The following PEPD variants were observed in gnomAD, a reference collection of about 807,000 sequenced individuals.
PEPD encodes xaa-Pro dipeptidase.
In PEPD, 53 loss-of-function variants were observed where a neutral mutation model predicts 60.7. That is an observed-to-expected ratio of 0.87 (90% CI 0.70 to 1.10). The LOEUF (loss-of-function observed/expected upper bound fraction) is 1.10, where lower values mean the gene tolerates loss of function less well. Among genes scored for constraint, PEPD ranks in the 50% least tolerant of loss-of-function variants. The probability of loss-of-function intolerance (pLI) is 0.00; values close to 1 mark genes in which losing one functional copy is unlikely to be tolerated. For synonymous variants in PEPD, 267 were observed against 284.1 expected (o/e 0.94, Z 0.60); for missense variants, 711 against 711.9 (o/e 1.00, Z 0.01).
intron 5 of PEPD, among the ~76,000 whole-genome samples, chr19:33,490,440 A>C (rs1023295690): frequency 5.9e-5 from 9 of 151,648 alleles, no homozygotes; most frequent in Non-Finnish European, 1.3e-4. Context: ...TCCTGCACAC[A>C]CTCCCCACTA....
rs1172512981 is a variant in PEPD, at chr19:33,413,600, T to C, written c.715A>G (p.Ser239Gly). ...YCYSRGGMRH[S>G]SYTCICGSGE... ...CTGCCGCAGATGCAGGTGTAGGAGCTGTGGCGCATGCCGCCCCGGGAGTAG... is the reference window on the plus strand; with the variant it reads ...CTGCCGCAGATGCAGGTGTAGGAGCCGTGGCGCATGCCGCCCCGGGAGTAG... Residue 239 changes from serine (S) to glycine (G), a missense_variant, in exon 10 of 15, where the codon AGC (serine) becomes GGC (glycine). Ser to Gly is a moderately conservative substitution (Grantham distance 56). Transcript: ENST00000244137. The C allele has an allele frequency of 6.3e-7, 1 of 1,586,396 alleles. No individual in the cohort carries two copies. Among genetic ancestry groups the C allele is most frequent in the South Asian group, 1.2e-5 (1 of 86,844 alleles).
intron 3 of PEPD, among the ~76,000 whole-genome samples, chr19:33,504,707 C>T (rs1202648547): frequency 2.0e-5 from 3 of 151,612 alleles, no homozygotes; most frequent in Non-Finnish European, 2.9e-5. Flanking sequence ...TGCAGTGAGC[C>T]GAGATCGTGC....
intron 6 of PEPD, 92 bp downstream of exon 6, chr19:33,489,903 GT>G (rs1189365287): frequency 1.3e-6 from 1 of 786,402 alleles, no homozygotes. Context: ...AGTTTGCATA[GT>G]TCATGTCTTA....
intron 9 of PEPD, among the ~76,000 whole-genome samples, chr19:33,461,655 C>T (rs1969927961): frequency 6.6e-6 from 1 of 152,208 alleles, no homozygotes; most frequent in African/African-American, 2.4e-5. Context: ...CGGGGCAGTG[C>T]CAATCTGAGG....
chr19:33,388,193 C>T (rs1332495481), intron 13 of PEPD, 112 bp from the exon 14 acceptor site: 1 of 901,868 alleles, frequency 1.1e-6, no homozygotes, highest in East Asian at 2.6e-5. Flanking sequence ...CTCTCTTGAC[C>T]ATTGGGGTCC....
At chr19:33,441,240 G>T (rs540203992) in intron 9 of PEPD, among the ~76,000 whole-genome samples, 1 of 152,156 alleles carries the variant, frequency 6.6e-6, no homozygotes, top group African/African-American at 2.4e-5. Context: ...TCAGAAACAC[G>T]CCCTGGCATT....
At chr19:33,474,519 C>A (rs1322532643) in intron 7 of PEPD, among the ~76,000 whole-genome samples, 1 of 152,138 alleles carries the variant, frequency 6.6e-6, no homozygotes, top group African/African-American at 2.4e-5. Flanking sequence ...GAAACCCCAT[C>A]TCTACTAAAA....
intron 3 of PEPD, among the ~76,000 whole-genome samples, chr19:33,505,736 C>A (rs1970788065): frequency 6.6e-6 from 1 of 150,808 alleles, no homozygotes; most frequent in African/African-American, 2.4e-5. Context: ...CACTCACACC[C>A]ACCACACCCC....
chr19:33,508,664 C>G (rs1225808600), intron 3 of PEPD, among the ~76,000 whole-genome samples: 1 of 152,192 alleles, frequency 6.6e-6, no homozygotes, highest in Non-Finnish European at 1.5e-5. Flanking sequence ...GGCTGGGTTC[C>G]CAGGGCAAGT....
Position 33,387,911 on chromosome 19 carries a change from C to G in PEPD, c.1323G>C (p.Gln441His), listed in dbSNP as rs2145320712. The G allele has an allele frequency of 6.3e-7, 1 of 1,582,772 alleles. No homozygotes were observed. The highest frequency in any genetic ancestry group is 8.6e-7 in the Non-Finnish European group (1 of 1,165,014). Reference sequence around the variant, plus strand: ...TCACCCCGCCAAAACCGCGAAAGCGCTGCAGGACCTCGCGGTTAAGGAAGG... The same window carrying G: ...TCACCCCGCCAAAACCGCGAAAGCGGTGCAGGACCTCGCGGTTAAGGAAGG... ...RASFLNREVLQRFRGFGGVRI... is the reference protein window; with the variant it reads ...RASFLNREVLHRFRGFGGVRI... Residue 441 changes from glutamine (Q) to histidine (H), a missense_variant, in exon 14 of 15, where the codon CAG becomes CAC. Coordinates refer to ENST00000244137, the MANE Select transcript of PEPD (RefSeq NM_000285.4).
At chr19:33,475,001 C>T (rs1173727694) in intron 7 of PEPD, among the ~76,000 whole-genome samples, 2 of 150,224 alleles carry the variant, frequency 1.3e-5, no homozygotes, top group Non-Finnish European at 3.0e-5. Flanking sequence ...AAAAAAAAGA[C>T]ATGCCAGTCC....
intron 12 of PEPD, 144 bp from the exon 13 acceptor site, chr19:33,391,623 G>A: frequency 1.3e-6 from 1 of 755,422 alleles, no homozygotes; most frequent in Admixed American, 2.1e-5. Context: ...TACTACATCG[G>A]GGGCCCAGGG....
intron 4 of PEPD, among the ~76,000 whole-genome samples, chr19:33,493,652 C>T (rs1038849140): frequency 2.0e-5 from 3 of 152,130 alleles, no homozygotes; most frequent in African/African-American, 4.8e-5. Context: ...CCTCCAAGGC[C>T]AGCCCCTCTG....
Position 33,512,668 on chromosome 19 carries a change from G to C in PEPD, c.126C>G (p.Ala42=), listed in dbSNP as rs754957045. The part of the protein sequence containing the change: ...ERLRKNPAVQ[A]GSIVVLQGGE... ...CGCCCTGCAGGACCACGATGGAGCC[G>C]GCCTGCACAGCAGGGTTCTTCCGCA... is the stretch of plus-strand genomic sequence containing the variant. The change falls in exon 2 of 15, where the codon GCC becomes GCG. Residue 42 remains alanine (A), a synonymous_variant. Coordinates refer to ENST00000244137, the MANE Select transcript of PEPD (RefSeq NM_000285.4). The C allele has an allele frequency of 1.2e-6, 2 of 1,613,980 alleles. No homozygotes were observed. Among genetic ancestry groups the C allele is most frequent in the Non-Finnish European group, 1.7e-6 (2 of 1,179,982 alleles).
intron 1 of PEPD, among the ~76,000 whole-genome samples, chr19:33,513,534 C>G (rs986328126): frequency 1.3e-5 from 2 of 152,200 alleles, no homozygotes; most frequent in African/African-American, 4.8e-5. Flanking sequence ...TCCCCAGGGC[C>G]ACCTCCCCAT....
intron 9 of PEPD, among the ~76,000 whole-genome samples, chr19:33,420,002 C>A (rs148569659): frequency 1.5e-3 from 233 of 152,292 alleles, no homozygotes; most frequent in African/African-American, 5.3e-3. Flanking sequence ...CTGAGAGCTG[C>A]CTTATCAAGG....
chr19:33,506,525 C>A (rs1272122757), intron 3 of PEPD, among the ~76,000 whole-genome samples: 1 of 149,654 alleles, frequency 6.7e-6, no homozygotes, highest in Non-Finnish European at 1.5e-5. Flanking sequence ...CCCTCACATG[C>A]ACCCTACACA....
intron 9 of PEPD, among the ~76,000 whole-genome samples, chr19:33,458,248 G>A (rs999229097): frequency 1.3e-5 from 2 of 151,478 alleles, no homozygotes; most frequent in East Asian, 2.0e-4. Flanking sequence ...TGTGGCATGC[G>A]ATGTGTGGTG....
intron 11 of PEPD, among the ~76,000 whole-genome samples, chr19:33,402,637 C>T (rs1053623775): frequency 2.0e-5 from 3 of 152,312 alleles, no homozygotes; most frequent in South Asian, 4.1e-4. Context: ...TTTCCCAGGG[C>T]CTGCTGGCCA....
Sources: gnomAD v4.1 joint callset for allele counts (sites outside exome capture counted in the v4.1 genomes callset) on GRCh38, gnomAD v4.1.1 for gene constraint, MANE v1.5 for transcripts, NCBI Gene and HGNC (gene_info 2026-07-23, HGNC 2026-07-21) for gene names.